LURAP1L: variants seen among roughly 807,000 people sequenced by gnomAD.
LURAP1L encodes leucine rich adaptor protein 1 like.
In LURAP1L, 12 loss-of-function variants were observed where a neutral mutation model predicts 13.8. The ratio of observed to expected loss-of-function variants is 0.87; its 90% CI spans 0.56 to 1.41. LURAP1L has a LOEUF of 1.41. Among genes scored for constraint, LURAP1L ranks in the 40% most tolerant of loss-of-function variants. LURAP1L has a pLI of 0.00. For missense variants in LURAP1L, 375 were observed against 292.9 expected (o/e 1.28, Z -2.04); for synonymous variants, 139 against 119.2 (o/e 1.17, Z -1.08).
At chr9:12,781,012 C>T (rs1356414703) in intron 1 of LURAP1L, among the ~76,000 whole-genome samples, 1 of 152,072 alleles carries the variant, frequency 6.6e-6, no homozygotes, top group African/African-American at 2.4e-5. Flanking sequence ...GCTCTTGTTG[C>T]CCAGGCTGGA....
chr9:12,792,337 A>G (rs1328731901), intron 1 of LURAP1L, among the ~76,000 whole-genome samples: 2 of 152,020 alleles, frequency 1.3e-5, no homozygotes, highest in African/African-American at 2.4e-5. Context: ...ATTTCTTAGC[A>G]CTTTTGTCTA....
At chr9:12,815,977 C>T (rs1204662766) in intron 1 of LURAP1L, among the ~76,000 whole-genome samples, 1 of 152,130 alleles carries the variant, frequency 6.6e-6, no homozygotes, top group African/African-American at 2.4e-5. Flanking sequence ...TGAGTTTTTA[C>T]CAGCTACATC....
chr9:12,803,814 A>G (rs1196736097), intron 1 of LURAP1L, among the ~76,000 whole-genome samples: 1 of 152,238 alleles, frequency 6.6e-6, no homozygotes, highest in African/African-American at 2.4e-5. Flanking sequence ...CAGACTAGAG[A>G]TAAAGCATAA....
intron 1 of LURAP1L, among the ~76,000 whole-genome samples, chr9:12,788,816 A>C (rs977273763): frequency 6.6e-6 from 1 of 151,882 alleles, no homozygotes; most frequent in Non-Finnish European, 1.5e-5. Flanking sequence ...TACTAATTAC[A>C]TATTACAGTT....
chr9:12,813,834 AG>A, intron 1 of LURAP1L, among the ~76,000 whole-genome samples: 1 of 152,328 alleles, frequency 6.6e-6, no homozygotes, highest in South Asian at 2.1e-4. Context: ...ATCACATATC[AG>A]GTGTAACAAT....
chr9:12,811,385 A>C (rs1363619578), intron 1 of LURAP1L, among the ~76,000 whole-genome samples: 1 of 152,208 alleles, frequency 6.6e-6, no homozygotes, highest in Non-Finnish European at 1.5e-5. Flanking sequence ...AATATGTTGA[A>C]AGCATCATTT....
At chr9:12,784,636 G>C (rs1163871755) in intron 1 of LURAP1L, among the ~76,000 whole-genome samples, 2 of 152,148 alleles carry the variant, frequency 1.3e-5, no homozygotes, top group Non-Finnish European at 2.9e-5. Flanking sequence ...TGCTGAGTCA[G>C]ACCTAAAGCC....
intron 1 of LURAP1L, among the ~76,000 whole-genome samples, chr9:12,812,958 A>G (rs1819757996): frequency 6.6e-6 from 1 of 152,196 alleles, no homozygotes; most frequent in African/African-American, 2.4e-5. Context: ...AAAGACACTA[A>G]AAACTTTGGT....
Position 12,806,603 on chromosome 9 carries a change from G to A in LURAP1L, c.313-14783G>A, listed in dbSNP as rs192316751. 2.9e-3 allele frequency among the ~76,000 whole-genome samples: 445 copies of A among 152,180 alleles called. 14 individuals are homozygous for A. Among genetic ancestry groups the A allele is most frequent in the Admixed American group, 0.027 (410 of 15,304 alleles). The stretch of plus-strand genomic sequence containing the variant: ...TTCAAACTTTGCTTTATTTTCAAAT[G>A]TTGGATAATTGTCTAAAACAATTTT... On this transcript the variant is annotated intron_variant, in intron 1 of 1. Transcript: ENST00000319264.
intron 1 of LURAP1L, among the ~76,000 whole-genome samples, chr9:12,789,901 T>C (rs560048872): frequency 6.6e-6 from 1 of 152,284 alleles, no homozygotes; most frequent in South Asian, 2.1e-4. Context: ...TGGACAAGAA[T>C]CTGAGACCAT....
chr9:12,797,102 A>C (rs1005259388), intron 1 of LURAP1L, among the ~76,000 whole-genome samples: 4 of 152,222 alleles, frequency 2.6e-5, no homozygotes, highest in African/African-American at 9.6e-5. Flanking sequence ...AAAAGCAATA[A>C]GAAAAACAAC....
Position 12,821,877 on chromosome 9 carries a change from A to C in LURAP1L, c.*117A>C. On this transcript the variant is annotated 3_prime_UTR_variant, in exon 2 of 2. Transcript: ENST00000319264. Reference sequence around the variant, plus strand: ...AAGATGACCTTTTTAAAAGAAGCTGATTTTGAAACTGCTTAATGGTATTGC... The same window carrying C: ...AAGATGACCTTTTTAAAAGAAGCTGCTTTTGAAACTGCTTAATGGTATTGC... The C allele has an allele frequency of 8.1e-7, 1 of 1,233,480 alleles. No homozygotes were observed. The highest frequency in any genetic ancestry group is 1.1e-6 in the Non-Finnish European group (1 of 890,932). 76.4% of individuals were successfully genotyped at this position (1,233,480 alleles called of 1,614,324 possible). A position where few individuals can be genotyped will look rare whatever the true frequency, so the allele number is the denominator to read the frequency against.
rs114771314 is a variant in LURAP1L, at chr9:12,805,031, A to T, written c.313-16355A>T. Among the ~76,000 whole-genome samples the T allele has an allele frequency of 3.6e-3, 547 of 152,270 alleles. 2 individuals carry two copies. Among genetic ancestry groups the T allele is most frequent in the African/African-American group, 0.012 (497 of 41,552 alleles). On this transcript the variant is annotated intron_variant, in intron 1 of 1. Transcript: ENST00000319264. The stretch of plus-strand genomic sequence containing the variant: ...CTTCATTAGAAAAGAAATATAAATT[A>T]AAAAAATTAAGTTAAATGATGTTTA...
intron 1 of LURAP1L, among the ~76,000 whole-genome samples, chr9:12,810,582 T>A (rs990288786): frequency 1.3e-5 from 2 of 152,224 alleles, no homozygotes; most frequent in Admixed American, 6.5e-5. Flanking sequence ...AGAATGGCAC[T>A]ATATTTATTA....
At chr9:12,809,192 C>T (rs900101585) in intron 1 of LURAP1L, among the ~76,000 whole-genome samples, 1 of 152,196 alleles carries the variant, frequency 6.6e-6, no homozygotes, top group African/African-American at 2.4e-5. Context: ...CACCTCCTAC[C>T]AGGCCCCACC....
chr9:12,815,877 A>G (rs74495881), intron 1 of LURAP1L, among the ~76,000 whole-genome samples: 5,037 of 152,306 alleles, frequency 0.033, 308 homozygotes, highest in African/African-American at 0.12. Flanking sequence ...TTTTATTCAA[A>G]CCCAAATGGT....
chr9:12,813,281 A>C (rs1819762551), intron 1 of LURAP1L, among the ~76,000 whole-genome samples: 1 of 152,118 alleles, frequency 6.6e-6, no homozygotes, highest in Admixed American at 6.5e-5. Context: ...ATTTATATAA[A>C]CCTATAATTT....
intron 1 of LURAP1L, among the ~76,000 whole-genome samples, chr9:12,817,717 AT>A (rs1297251204): frequency 2.0e-5 from 3 of 152,196 alleles, no homozygotes; most frequent in African/African-American, 7.2e-5. Flanking sequence ...TCTATTTTTA[AT>A]TGATGGCTAG....
intron 1 of LURAP1L, among the ~76,000 whole-genome samples, chr9:12,780,536 T>G (rs2118459976): frequency 6.6e-6 from 1 of 152,296 alleles, no homozygotes; most frequent in South Asian, 2.1e-4. Flanking sequence ...TTACAGAGAT[T>G]AATTAACTAT....
Sources: gnomAD v4.1 joint callset for allele counts (sites outside exome capture counted in the v4.1 genomes callset) on GRCh38, gnomAD v4.1.1 for gene constraint, MANE v1.5 for transcripts, NCBI Gene and HGNC (gene_info 2026-07-23, HGNC 2026-07-21) for gene names.